The following HGD variants were observed in gnomAD, a reference collection of about 807,000 sequenced individuals.
HGD encodes homogentisate 1,2-dioxygenase.
A neutral mutation model predicts 60.8 loss-of-function variants in HGD; 61 were observed. The observed-to-expected ratio is 1.00, with a 90% CI of 0.82 to 1.24. The LOEUF (loss-of-function observed/expected upper bound fraction) is 1.24. HGD is among the 50% of genes most tolerant of loss of function. The pLI is 0.00. For missense variants in HGD, 542 were observed against 547.1 expected, an observed-to-expected ratio of 0.99 and a Z score of 0.09; for synonymous variants, 212 against 187.7, an observed-to-expected ratio of 1.13 and a Z score of -1.06.
intron 11 of HGD, among the ~76,000 whole-genome samples, chr3:120,641,336 G>A (rs1308574411): frequency 6.6e-6 from 1 of 152,126 alleles, no homozygotes; most frequent in Non-Finnish European, 1.5e-5. Flanking sequence ...CACTTAGTTT[G>A]GCAAATACAA....
At chr3:120,666,114 A>G (rs1033438337) in intron 4 of HGD, among the ~76,000 whole-genome samples, 2 of 152,194 alleles carry the variant, frequency 1.3e-5, no homozygotes, top group Non-Finnish European at 2.9e-5. Flanking sequence ...TCATGGAGAG[A>G]GAAGTAGTTG....
chr3:120,646,449 C>A, intron 8 of HGD, 83 bp from the exon 9 acceptor site: 1 of 869,732 alleles, frequency 1.1e-6, no homozygotes, highest in South Asian at 1.3e-5. Flanking sequence ...ATAGCCCATC[C>A]CACATGCAAA....
At chr3:120,681,686 G>C (rs1026874671) in intron 1 of HGD, among the ~76,000 whole-genome samples, 2 of 152,158 alleles carry the variant, frequency 1.3e-5, no homozygotes, top group Admixed American at 6.5e-5. Flanking sequence ...CTGATTCAGA[G>C]CCTTAATTAA....
chr3:120,643,013 T>G (rs1192685605), intron 10 of HGD, among the ~76,000 whole-genome samples: 4 of 152,246 alleles, frequency 2.6e-5, no homozygotes, highest in Admixed American at 6.5e-5. Flanking sequence ...ATTGTGGTTC[T>G]TTAACAATTG....
chr3:120,672,075 C>G (rs544017466), intron 3 of HGD, among the ~76,000 whole-genome samples: 15 of 152,128 alleles, frequency 9.9e-5, no homozygotes, highest in Non-Finnish European at 1.9e-4. Context: ...ATAAGTGCAG[C>G]AAACCACCAT....
At chr3:120,679,677 G>A (rs918244029) in intron 1 of HGD, among the ~76,000 whole-genome samples, 1 of 152,166 alleles carries the variant, frequency 6.6e-6, no homozygotes, top group East Asian at 1.9e-4. Flanking sequence ...AAAATGTGAC[G>A]TGATTACAAA....
chr3:120,667,529 A>G (rs1409087045), intron 4 of HGD, among the ~76,000 whole-genome samples: 1 of 152,020 alleles, frequency 6.6e-6, no homozygotes, highest in Non-Finnish European at 1.5e-5. Context: ...CATCACACTC[A>G]AAGTAGAGTC....
At chr3:120,628,580 A>G in intron 13 of HGD, 51 bp from the exon 14 acceptor site, 1 of 1,583,204 alleles carries the variant, frequency 6.3e-7, no homozygotes, top group East Asian at 2.2e-5. Flanking sequence ...ATAGATAATA[A>G]ACACATTTGA....
chr3:120,666,395 G>A (rs112522711), intron 4 of HGD, among the ~76,000 whole-genome samples: 3,377 of 152,252 alleles, frequency 0.022, 57 homozygotes, highest in Middle Eastern at 0.041. Context: ...TAGAATGGGA[G>A]ACATGGGAAG....
intron 6 of HGD, among the ~76,000 whole-genome samples, chr3:120,648,897 C>A (rs1245535873): frequency 1.3e-5 from 2 of 152,102 alleles, no homozygotes; most frequent in East Asian, 3.9e-4. Flanking sequence ...ACACATTGGG[C>A]CTCAGAGAAG....
At chr3:120,652,136 C>T (rs903881977) in intron 5 of HGD, among the ~76,000 whole-genome samples, 1 of 152,094 alleles carries the variant, frequency 6.6e-6, no homozygotes, top group Admixed American at 6.6e-5. Context: ...AGCACATTAA[C>T]AAGAAAGCAC....
chr3:120,640,574 C>A (rs61799346), intron 11 of HGD, among the ~76,000 whole-genome samples: 1 of 152,094 alleles, frequency 6.6e-6, no homozygotes, highest in South Asian at 2.1e-4. Context: ...CAGAGAAGAT[C>A]GCATCTGTGT....
chr3:120,675,712 G>A (rs1197637604), intron 2 of HGD, 80 bp downstream of exon 2: 4 of 1,046,772 alleles, frequency 3.8e-6, no homozygotes, highest in Non-Finnish European at 6.0e-6. Context: ...GAGCCACGGT[G>A]GGTGGAGGCA....
At chr3:120,669,826 T>C (rs1417144541) in intron 4 of HGD, among the ~76,000 whole-genome samples, 2 of 152,238 alleles carry the variant, frequency 1.3e-5, no homozygotes, top group Non-Finnish European at 2.9e-5. Flanking sequence ...TTAAACTCTG[T>C]TAAATTAGAT....
intron 13 of HGD, among the ~76,000 whole-genome samples, chr3:120,630,575 CAGA>C (rs1206035343): frequency 1.3e-5 from 2 of 151,794 alleles, no homozygotes; most frequent in South Asian, 2.1e-4. Context: ...TAGTCATAAG[CAGA>C]AGATTTAAAC....
chr3:120,663,831 A>G (rs142364026), intron 4 of HGD, among the ~76,000 whole-genome samples: 1 of 151,486 alleles, frequency 6.6e-6, no homozygotes, highest in East Asian at 1.9e-4. Context: ...ATCTACACTC[A>G]AGAAGTTTAA....
chr3:120,628,423 CT>C lies in HGD; in HGVS notation c.1294del (p.Ser432AlafsTer22). On this transcript the variant is annotated frameshift_variant, in exon 14 of 14. Transcript: ENST00000283871. LOFTEE classifies it high-confidence loss of function. ...GTTCCTGGAGTTGGGAGTGAAGTGG[CT>C]CTTGAGTGGCTCCCAGCACTTGTGG... ...NYHKCWEPLK[S>X]HFTPNSRNPA... The C allele has an allele frequency of 6.2e-7, 1 of 1,614,024 alleles. No homozygotes were observed.
At chr3:120,665,125 A>T (rs1443671898) in intron 4 of HGD, among the ~76,000 whole-genome samples, 8 of 152,222 alleles carry the variant, frequency 5.3e-5, no homozygotes, top group Non-Finnish European at 5.9e-5. Context: ...GGATTTCAGG[A>T]TGGCAAAACC....
intron 4 of HGD, among the ~76,000 whole-genome samples, chr3:120,656,261 T>C (rs1339277360): frequency 6.6e-6 from 1 of 152,226 alleles, no homozygotes; most frequent in East Asian, 1.9e-4. Context: ...TACATTTCTG[T>C]TGTTTAAACT....
Sources: gnomAD v4.1 joint callset for allele counts (sites outside exome capture counted in the v4.1 genomes callset) on GRCh38, gnomAD v4.1.1 for gene constraint, MANE v1.5 for transcripts, NCBI Gene and HGNC (gene_info 2026-07-23, HGNC 2026-07-21) for gene names.